Variants in TDP1 observed in about 807,000 individuals in gnomAD.
TDP1 encodes tyr-DNA phosphodiesterase 1.
Under a neutral mutation model 81.5 loss-of-function variants are expected in TDP1, and 64 were observed. The ratio of observed to expected loss-of-function variants is 0.79; its 90% CI spans 0.64 to 0.97. TDP1 has a LOEUF of 0.97. Ranked by LOEUF, TDP1 falls within the 50% of genes least tolerant of loss-of-function variation. The pLI, the probability that TDP1 is intolerant of heterozygous loss-of-function variation, is 0.00. For synonymous variants in TDP1, 256 were observed against 264.3 expected, an observed-to-expected ratio of 0.97 and a Z score of 0.30; for missense variants, 723 against 743.8, an observed-to-expected ratio of 0.97 and a Z score of 0.33.
intron 14 of TDP1, among the ~76,000 whole-genome samples, chr14:90,018,000 C>T (rs920977094): frequency 2.6e-5 from 4 of 152,026 alleles, no homozygotes; most frequent in Admixed American, 2.0e-4. Flanking sequence ...TCAGCCTAAT[C>T]GCTTCAAGAG....
intron 8 of TDP1, chr14:89,984,262 G>C (rs1349691422): frequency 6.1e-6 from 6 of 985,324 alleles, no homozygotes; most frequent in Non-Finnish European, 7.2e-6. Flanking sequence ...GAGGGATGTG[G>C]GTTGGAAGAG....
intron 14 of TDP1, among the ~76,000 whole-genome samples, chr14:90,013,400 C>T (rs1884944363): frequency 6.6e-6 from 1 of 152,046 alleles, no homozygotes; most frequent in Non-Finnish European, 1.5e-5. Context: ...CCAAGCAGTT[C>T]TCTTGATAGT....
intron 15 of TDP1, chr14:90,023,165 C>T (rs1017772426): frequency 8.5e-6 from 6 of 709,274 alleles, no homozygotes; most frequent in South Asian, 1.5e-5. Context: ...AATACAGGGG[C>T]TCTGAGAAGA....
chr14:89,983,354 G>T, intron 8 of TDP1: 1 of 265,748 alleles, frequency 3.8e-6, no homozygotes. Context: ...TGTGCTAAGT[G>T]TCTCCCCAGG....
rs75059781 is a variant in TDP1 at position 90,032,962 on chromosome 14, C to T, written c.1645-144C>T. 11,204 of 1,200,248 alleles carry T rather than the reference C, an allele frequency of 9.3e-3. 76 individuals are homozygous for T. Among genetic ancestry groups the T allele is most frequent in the Non-Finnish European group, 0.011 (9,627 of 865,896 alleles). The allele number at this position is 1,200,248 out of a possible 1,614,324, so 74.3% of individuals were successfully genotyped here. On this transcript the variant is annotated intron_variant, in intron 15 of 16. Coordinates refer to ENST00000335725, the MANE Select transcript of TDP1 (RefSeq NM_018319.4). ...GCGGGGGGGTTGTAAATATATTTGCCTATGAACATTGAAAATACCTCCAAA... is the reference window on the plus strand; with the variant it reads ...GCGGGGGGGTTGTAAATATATTTGCTTATGAACATTGAAAATACCTCCAAA...
rs529634794 is a variant in TDP1 at position 90,011,684 on chromosome 14, T to A, written c.1542-7632T>A. On this transcript the variant is annotated intron_variant, in intron 14 of 16. Coordinates refer to ENST00000335725, the MANE Select transcript of TDP1 (RefSeq NM_018319.4). Reference sequence around the variant, plus strand: ...AACTTTAAACTTGAGAAAGATAATATAGGGTATCTGGCAGAAGAAATTTCT... The same window carrying A: ...AACTTTAAACTTGAGAAAGATAATAAAGGGTATCTGGCAGAAGAAATTTCT... Among the ~76,000 whole-genome samples, 3 of 152,236 alleles carry A rather than the reference T, an allele frequency of 2.0e-5. No individual in the cohort carries two copies. The South Asian group carries it at 6.2e-4, about 32-fold the overall frequency.
At chr14:89,957,265 C>G (rs891595628) in intron 2 of TDP1, 2 of 152,230 alleles carry the variant, frequency 1.3e-5, no homozygotes, top group African/African-American at 4.8e-5. Context: ...GGGTCTGTCT[C>G]TTCTGCCCTG....
chr14:89,971,102 C>T (rs975476427), intron 5 of TDP1, 73 bp from the exon 6 acceptor site: 71 of 1,349,402 alleles, frequency 5.3e-5, no homozygotes, highest in Admixed American at 1.0e-4. Context: ...TCCCAAGGTG[C>T]CGGGATTACA....
chr14:89,995,036 C>G (rs1439116178), intron 14 of TDP1, among the ~76,000 whole-genome samples: 1 of 152,212 alleles, frequency 6.6e-6, no homozygotes, highest in Non-Finnish European at 1.5e-5. Context: ...TGAATATCTG[C>G]TTTAATGTCG....
chr14:90,019,234 C>T (rs991996290), intron 14 of TDP1, 82 bp from the exon 15 acceptor site: 26 of 1,295,714 alleles, frequency 2.0e-5, no homozygotes, highest in Admixed American at 7.3e-5. Context: ...TTTTTTTGAC[C>T]GGTGCTCTTG....
chr14:89,963,201 T>C lies in TDP1; in HGVS notation c.87T>C (p.Ser29=). ...AAAAGCCAAAACCAGACAAGCCATC[T>C]ACCTCTTCTCTTCTCTGTGCCAGGC... ...EEEKPKPDKP[S]TSSLLCARQG... The change falls in exon 3 of 17, where the codon TCT becomes TCC. Residue 29 remains serine (S), a synonymous_variant. Coordinates refer to ENST00000335725, the MANE Select transcript of TDP1 (RefSeq NM_018319.4). 6.2e-7 allele frequency: 1 copy of C among 1,614,216 alleles called. No homozygotes were observed. Among genetic ancestry groups the C allele is most frequent in the Non-Finnish European group, 8.5e-7 (1 of 1,180,038 alleles).
chr14:90,015,631 G>A (rs933597887), intron 14 of TDP1, among the ~76,000 whole-genome samples: 11 of 152,142 alleles, frequency 7.2e-5, no homozygotes, highest in Admixed American at 1.3e-4. Context: ...GCCAGGTACC[G>A]GTGAGGGCCT....
rs764936943 is a variant in TDP1, at chr14:89,980,550, C to A, written c.802C>A (p.Leu268Met). 6.2e-7 allele frequency: 1 copy of A among 1,613,598 alleles called. No individual in the cohort carries two copies. The highest frequency in any genetic ancestry group is 8.5e-7 in the Non-Finnish European group (1 of 1,179,522). ...TTGCTGTTTTTAAAGGAAAATGATG[C>A]TGCTGCTCTATGAAGAAGGCCTCCG... Reference protein sequence around the residue: ...AFGTHHTKMMLLLYEEGLRVV... With the variant: ...AFGTHHTKMMMLLYEEGLRVV... The change falls in exon 8 of 17, where the codon CTG becomes ATG. Residue 268 changes from leucine (L) to methionine (M), a missense_variant. Coordinates refer to ENST00000335725, the MANE Select transcript of TDP1 (RefSeq NM_018319.4).
At position 90,035,293 on chromosome 14, in the gene TDP1, G is replaced by C. The variant is rs548245019; in HGVS notation, c.1753+2079G>C. ...TCTCTAATCAATAGTTTGATGCTAA[G>C]TTTCAGGAGGCATTCTTTTTCTCCT... is the stretch of plus-strand genomic sequence containing the variant. On this transcript the variant is annotated intron_variant, in intron 16 of 16. Coordinates refer to ENST00000335725, the MANE Select transcript of TDP1 (RefSeq NM_018319.4). 2.0e-5 allele frequency among the ~76,000 whole-genome samples: 3 copies of C among 152,344 alleles called. No homozygotes were observed. In the South Asian group the frequency reaches 6.2e-4, roughly 32 times the overall value.
At chr14:90,002,340 A>C (rs1410194199) in intron 14 of TDP1, among the ~76,000 whole-genome samples, 2 of 152,316 alleles carry the variant, frequency 1.3e-5, no homozygotes, top group South Asian at 4.1e-4. Context: ...TGCCACTTAA[A>C]TTTTGGAAAA....
chr14:90,022,922 C>A (rs1298618247), intron 15 of TDP1: 1 of 745,942 alleles, frequency 1.3e-6, no homozygotes, highest in Non-Finnish European at 2.3e-6. Context: ...CCGACGGTTC[C>A]CTCCTCAAAG....
intron 15 of TDP1, among the ~76,000 whole-genome samples, chr14:90,029,388 G>T (rs1887012820): frequency 6.6e-6 from 1 of 151,634 alleles, no homozygotes; most frequent in South Asian, 2.1e-4. Flanking sequence ...TAGTAGAGAT[G>T]GGGTTTCTCC....
At chr14:89,965,521 G>A (rs1053355312) in intron 3 of TDP1, among the ~76,000 whole-genome samples, 5 of 152,192 alleles carry the variant, frequency 3.3e-5, no homozygotes, top group Non-Finnish European at 5.9e-5. Context: ...TGTTGTAATG[G>A]AAGGTCACGA....
At chr14:90,037,018 C>T (rs1358170508) in intron 16 of TDP1, among the ~76,000 whole-genome samples, 3 of 152,072 alleles carry the variant, frequency 2.0e-5, no homozygotes, top group Non-Finnish European at 4.4e-5. Flanking sequence ...CGCTATGTTG[C>T]CCAGGCTGGT....
Sources: gnomAD v4.1 joint callset for allele counts (sites outside exome capture counted in the v4.1 genomes callset) on GRCh38, gnomAD v4.1.1 for gene constraint, MANE v1.5 for transcripts, NCBI Gene and HGNC (gene_info 2026-07-23, HGNC 2026-07-21) for gene names.